VMA12: variants seen among roughly 807,000 people sequenced by gnomAD.
VMA12 encodes vacuolar ATPase assembly factor VMA12.
chr17:28,360,410 A>G, the VMA12 span: 2 of 950,292 alleles, frequency 2.1e-6, no homozygotes, highest in South Asian at 1.4e-5. Flanking sequence ...TCCAGACAAA[A>G]GAATCCATGG....
chr17:28,357,819 G>A, the VMA12 span: 1 of 1,614,102 alleles, frequency 6.2e-7, no homozygotes, highest in African/African-American at 1.3e-5. Context: ...AGCTCCAGTG[G>A]CCCCCAACGC....
chr17:28,358,775 A>G, the VMA12 span: 2 of 692,852 alleles, frequency 2.9e-6, no homozygotes, highest in African/African-American at 3.6e-5. Flanking sequence ...ATTCTTTTCA[A>G]TTGAAAATGA....
the VMA12 span, chr17:28,358,445 G>A: frequency 2.1e-6 from 1 of 472,308 alleles, no homozygotes; most frequent in Non-Finnish European, 4.4e-6. Context: ...TAAAGGGAAG[G>A]AACAGGACAA....
the VMA12 span, chr17:28,359,051 C>G: frequency 7.0e-7 from 1 of 1,424,530 alleles, no homozygotes; most frequent in East Asian, 2.3e-5. Context: ...CCATGATACA[C>G]TGAACTTATA....
the VMA12 span, chr17:28,361,677 C>T: frequency 6.2e-6 from 1 of 162,456 alleles, no homozygotes; most frequent in Non-Finnish European, 1.4e-5. Flanking sequence ...TAATGCAGAC[C>T]TGTAATTGAG....
the VMA12 span, chr17:28,360,411 G>T: frequency 1.5e-5 from 14 of 953,272 alleles, no homozygotes; most frequent in East Asian, 4.9e-5. Context: ...CCAGACAAAA[G>T]AATCCATGGG....
the VMA12 span, chr17:28,358,249 C>T: frequency 5.0e-6 from 2 of 396,840 alleles, no homozygotes; most frequent in South Asian, 2.0e-5. Context: ...GGATTTCTTT[C>T]CACCTCAAAA....
the VMA12 span, chr17:28,361,492 G>A: frequency 4.0e-6 from 2 of 494,480 alleles, no homozygotes; most frequent in Non-Finnish European, 7.3e-6. Context: ...TGGTCTATCA[G>A]TACCTCTTCC....
At chr17:28,360,735 T>A in the VMA12 span, 1 of 1,611,800 alleles carries the variant, frequency 6.2e-7, no homozygotes, top group Non-Finnish European at 8.5e-7. Flanking sequence ...CTCCCCAAAG[T>A]GAGATCATTG....
At chr17:28,359,096 A>T in the VMA12 span, 1 of 1,147,754 alleles carries the variant, frequency 8.7e-7, no homozygotes, top group Non-Finnish European at 1.2e-6. Context: ...TGTTTTTGAA[A>T]TCTTTGGGAT....
the VMA12 span, chr17:28,357,781 G>T: frequency 1.9e-6 from 3 of 1,613,704 alleles, no homozygotes; most frequent in Non-Finnish European, 2.5e-6. Flanking sequence ...TTGAGGCCGC[G>T]CTGGGGAAGA....
At chr17:28,362,100 A>G in the VMA12 span, 1 of 152,054 alleles carries the variant, frequency 6.6e-6, no homozygotes, top group African/African-American at 2.4e-5. Context: ...AACACAAAGC[A>G]TAGCGATTTC....
chr17:28,358,895 T>G, the VMA12 span: 2 of 1,599,334 alleles, frequency 1.3e-6, no homozygotes, highest in Middle Eastern at 3.3e-4. Flanking sequence ...TCATTGTGTT[T>G]GTGAAACCTT....
the VMA12 span, chr17:28,360,727 C>A: frequency 6.2e-7 from 1 of 1,613,444 alleles, no homozygotes; most frequent in Non-Finnish European, 8.5e-7. Flanking sequence ...TCTGGCTCCT[C>A]CCCAAAGTGA....
the VMA12 span, chr17:28,358,871 C>A: frequency 6.5e-7 from 1 of 1,538,352 alleles, no homozygotes; most frequent in Non-Finnish European, 8.9e-7. Context: ...AACCCTTCAA[C>A]CTCAGCTCGT....
chr17:28,360,170 G>T, the VMA12 span: 1 of 205,148 alleles, frequency 4.9e-6, no homozygotes. Flanking sequence ...CGTTGGCCAG[G>T]CTGGTCTTGA....
the VMA12 span, chr17:28,358,201 T>C: frequency 2.4e-6 from 1 of 415,468 alleles, no homozygotes; most frequent in Non-Finnish European, 4.6e-6. Flanking sequence ...TTTCTCCACT[T>C]TAGGAATCAG....
the VMA12 span, chr17:28,359,266 T>C: frequency 6.3e-7 from 1 of 1,598,800 alleles, no homozygotes; most frequent in Non-Finnish European, 8.6e-7. Flanking sequence ...TGATGTGCTT[T>C]CTAACAAGCT....
At chr17:28,360,770 A>C in the VMA12 span, 1 of 1,613,748 alleles carries the variant, frequency 6.2e-7, no homozygotes, top group Non-Finnish European at 8.5e-7. Flanking sequence ...CACCATCTTC[A>C]ATTTCATTGT....
Sources: allele counts gnomAD v4.1 joint callset, GRCh38; gene constraint gnomAD v4.1.1; transcripts MANE v1.5; gene names NCBI Gene and HGNC (gene_info 2026-07-23, HGNC 2026-07-21).